The following KCNH7 variants were observed in gnomAD, a reference collection of about 807,000 sequenced individuals.
The protein encoded by KCNH7 is potassium voltage-gated channel subfamily H member 7.
In KCNH7, 49 loss-of-function variants were observed where a neutral mutation model predicts 120.8. The observed-to-expected ratio is 0.41, with a 90% CI of 0.32 to 0.51. The LOEUF is 0.51. Among genes scored for constraint, KCNH7 ranks in the 20% least tolerant of loss-of-function variants. The pLI is 0.38. For missense variants in KCNH7, 1,097 were observed against 1,446.6 expected (o/e 0.76, Z 3.92); for synonymous variants, 547 against 516.1 (o/e 1.06, Z -0.81).
intron 2 of KCNH7, among the ~76,000 whole-genome samples, chr2:162,729,482 G>T (rs1687645224): frequency 6.6e-6 from 1 of 151,814 alleles, no homozygotes. Context: ...CTTAGAATCA[G>T]CTTGTCAATT....
intron 2 of KCNH7, among the ~76,000 whole-genome samples, chr2:162,553,397 C>T (rs1255700800): frequency 6.6e-6 from 1 of 152,134 alleles, no homozygotes; most frequent in East Asian, 1.9e-4. Context: ...TAAATGTCAT[C>T]CCAGTACTTT....
chr2:162,455,838 T>C (rs1275715419), intron 6 of KCNH7, among the ~76,000 whole-genome samples: 2 of 152,178 alleles, frequency 1.3e-5, no homozygotes. Flanking sequence ...TTCTTCTTTA[T>C]TAGTCTAGCT....
intron 2 of KCNH7, among the ~76,000 whole-genome samples, chr2:162,673,129 G>A (rs1165728734): frequency 6.6e-6 from 1 of 151,842 alleles, no homozygotes; most frequent in African/African-American, 2.4e-5. Context: ...TGCAATATTT[G>A]CAAATTCTAT....
rs900915373 is a variant in KCNH7 at position 162,536,937 on chromosome 2, T to C, written c.451A>G (p.Lys151Glu). 2.2e-5 allele frequency: 36 copies of C among 1,612,506 alleles called. No individual in the cohort carries two copies. Among genetic ancestry groups the C allele is most frequent in the Admixed American group, 5.0e-5 (3 of 59,922 alleles). Residue 151 changes from lysine (K) to glutamate (E), a missense_variant, in exon 3 of 16, where the codon AAA becomes GAA. By Grantham distance (56) the Lys-to-Glu change is moderately conservative (BLOSUM62 1). Coordinates refer to ENST00000332142, the MANE Select transcript of KCNH7 (RefSeq NM_033272.4). ...GCCTTTTACTTACGGTTTACAGTTT[T>C]GATTGGTAATATTGGGTTTACCCTC... The part of the protein sequence containing the change: ...PERVNPILPI[K>E]TVNRKFFGFK...
chr2:162,550,082 C>G (rs1314902838), intron 2 of KCNH7, among the ~76,000 whole-genome samples: 1 of 152,142 alleles, frequency 6.6e-6, no homozygotes, highest in Non-Finnish European at 1.5e-5. Flanking sequence ...TAGATATTTT[C>G]AAACTAATTT....
At chr2:162,741,243 T>C (rs540106122) in intron 2 of KCNH7, among the ~76,000 whole-genome samples, 1 of 149,418 alleles carries the variant, frequency 6.7e-6, no homozygotes, top group South Asian at 2.1e-4. Context: ...ATTAATAACA[T>C]ATGTTATTAG....
chr2:162,654,138 T>C (rs1036238139), intron 2 of KCNH7, among the ~76,000 whole-genome samples: 3 of 131,488 alleles, frequency 2.3e-5, no homozygotes, highest in African/African-American at 8.7e-5. Context: ...AAAGCAAAAA[T>C]AGAAAAATGG....
chr2:162,604,289 T>C (rs1694657451), intron 2 of KCNH7, among the ~76,000 whole-genome samples: 1 of 152,126 alleles, frequency 6.6e-6, no homozygotes, highest in South Asian at 2.1e-4. Flanking sequence ...ATTCTACTCT[T>C]TGTGCTTTTA....
At chr2:162,609,401 C>T (rs1682886261) in intron 2 of KCNH7, among the ~76,000 whole-genome samples, 1 of 152,084 alleles carries the variant, frequency 6.6e-6, no homozygotes. Context: ...AGCCTGTCCC[C>T]ACTCAGCATT....
At chr2:162,443,217 C>T (rs542221279) in intron 7 of KCNH7, among the ~76,000 whole-genome samples, 6 of 152,272 alleles carry the variant, frequency 3.9e-5, no homozygotes, top group Non-Finnish European at 7.4e-5. Flanking sequence ...TTCTATCTAA[C>T]ATTTAATTTA....
At chr2:162,787,046 G>A (rs1333687437) in intron 2 of KCNH7, among the ~76,000 whole-genome samples, 3 of 152,160 alleles carry the variant, frequency 2.0e-5, no homozygotes, top group East Asian at 1.9e-4. Flanking sequence ...AGAATGGATC[G>A]AGCAATGAGT....
chr2:162,395,615 C>T (rs939219881), intron 11 of KCNH7, among the ~76,000 whole-genome samples: 1 of 151,754 alleles, frequency 6.6e-6, no homozygotes, highest in Admixed American at 6.6e-5. Context: ...TGACATAAAA[C>T]TAAGATTGGG....
At chr2:162,765,982 C>G (rs900472279) in intron 2 of KCNH7, among the ~76,000 whole-genome samples, 1 of 152,074 alleles carries the variant, frequency 6.6e-6, no homozygotes, top group Non-Finnish European at 1.5e-5. Context: ...GTCTCAAACC[C>G]CTAGCCTAAA....
chr2:162,726,975 T>C (rs1162808974), intron 2 of KCNH7, among the ~76,000 whole-genome samples: 1 of 152,222 alleles, frequency 6.6e-6, no homozygotes, highest in East Asian at 1.9e-4. Flanking sequence ...GGCTTATCAC[T>C]GCAGCTGAAT....
At chr2:162,530,454 G>A (rs1480464624) in intron 3 of KCNH7, among the ~76,000 whole-genome samples, 2 of 150,576 alleles carry the variant, frequency 1.3e-5, no homozygotes, top group Non-Finnish European at 2.9e-5. Flanking sequence ...AGACACGCTA[G>A]TGTGCGCGAG....
At chr2:162,493,383 C>T (rs1397163170) in intron 6 of KCNH7, among the ~76,000 whole-genome samples, 1 of 152,030 alleles carries the variant, frequency 6.6e-6, no homozygotes, top group Non-Finnish European at 1.5e-5. Flanking sequence ...AGCTATAATG[C>T]CTTTTAGTTC....
intron 2 of KCNH7, among the ~76,000 whole-genome samples, chr2:162,812,641 T>C (rs1464485520): frequency 1.3e-5 from 2 of 152,026 alleles, no homozygotes; most frequent in Non-Finnish European, 2.9e-5. Context: ...GCAGTGAAGC[T>C]GAAATAACCT....
intron 8 of KCNH7, 130 bp downstream of exon 8, chr2:162,435,068 C>T: frequency 1.2e-6 from 1 of 804,268 alleles, no homozygotes; most frequent in Non-Finnish European, 1.9e-6. Flanking sequence ...ATACAGTACC[C>T]ATATATGTAA....
chr2:162,410,315 C>T (rs1687348133), intron 9 of KCNH7, among the ~76,000 whole-genome samples: 1 of 151,946 alleles, frequency 6.6e-6, no homozygotes, highest in Non-Finnish European at 1.5e-5. Context: ...CTGACAATAA[C>T]AAACAATGAA....
Sources: gnomAD v4.1 joint callset for allele counts (sites outside exome capture counted in the v4.1 genomes callset) on GRCh38, gnomAD v4.1.1 for gene constraint, MANE v1.5 for transcripts, NCBI Gene and HGNC (gene_info 2026-07-23, HGNC 2026-07-21) for gene names.